Variants in TNRC6B observed in about 807,000 individuals in gnomAD.
The protein encoded by TNRC6B is trinucleotide repeat-containing gene 6B protein.
TNRC6B carries 52 observed loss-of-function variants against 203.6 expected under a neutral mutation model. The ratio of observed to expected loss-of-function variants is 0.26; its 90% CI spans 0.20 to 0.32. The LOEUF (loss-of-function observed/expected upper bound fraction) is 0.32, where lower values mean the gene tolerates loss of function less well. Ranked by LOEUF, TNRC6B falls within the 10% of genes least tolerant of loss-of-function variation. TNRC6B has a pLI of 1.00. For synonymous variants in TNRC6B, 838 were observed against 845.7 expected, an observed-to-expected ratio of 0.99 and a Z score of 0.16; for missense variants, 1,923 against 2,286.2, an observed-to-expected ratio of 0.84 and a Z score of 3.24.
At chr22:40,320,935 A>G (rs903557055) in intron 21 of TNRC6B, among the ~76,000 whole-genome samples, 155 bp from the exon 22 acceptor site, 4 of 152,224 alleles carry the variant, frequency 2.6e-5, no homozygotes, top group Non-Finnish European at 5.9e-5. Flanking sequence ...AAAACAGACC[A>G]TAGGCTGAAT....
chr22:40,126,765 A>AT (rs2068497732), intron 3 of TNRC6B, among the ~76,000 whole-genome samples: 1 of 149,904 alleles, frequency 6.7e-6, no homozygotes, highest in African/African-American at 2.4e-5. Context: ...TAATTTTTGT[A>AT]TTTTTTGTAG....
At chr22:40,114,520 C>T (rs1601822511) in intron 1 of TNRC6B, among the ~76,000 whole-genome samples, 1 of 152,178 alleles carries the variant, frequency 6.6e-6, no homozygotes, top group Non-Finnish European at 1.5e-5. Context: ...ATAGGGTCTT[C>T]CTGTGTTGCT....
chr22:40,150,084 T>G (rs1225238466), intron 3 of TNRC6B, among the ~76,000 whole-genome samples: 1 of 152,210 alleles, frequency 6.6e-6, no homozygotes, highest in Non-Finnish European at 1.5e-5. Flanking sequence ...TAAGGCAGGT[T>G]ATTAATGTCT....
chr22:40,313,905 C>CT (rs2071221895), intron 19 of TNRC6B, among the ~76,000 whole-genome samples: 1 of 152,192 alleles, frequency 6.6e-6, no homozygotes, highest in Admixed American at 6.5e-5. Flanking sequence ...GATAAAGAAA[C>CT]TAAGTGAGGT....
At position 40,265,961 on chromosome 22, in the gene TNRC6B, C is replaced by T. The variant is rs755793964; in HGVS notation, c.1731C>T (p.Asn577=). 3.1e-6 allele frequency: 5 copies of T among 1,613,906 alleles called. No individual in the cohort carries two copies. Among genetic ancestry groups the T allele is most frequent in the African/African-American group, 1.3e-5 (1 of 74,936 alleles). The change falls in exon 5 of 23, where the codon AAC becomes AAT. Residue 577 remains asparagine, a synonymous_variant. Transcript: ENST00000454349. The stretch of plus-strand genomic sequence containing the variant: ...TTGGAGGTCAAAGCACTGGAAGCAA[C>T]CACAAAGCAGGAAGTAGTGACAGTC... The part of the protein sequence containing the change: ...SEVGGQSTGS[N]HKAGSSDSHN...
At chr22:40,097,604 G>T (rs1216702474) in intron 1 of TNRC6B, among the ~76,000 whole-genome samples, 3 of 149,960 alleles carry the variant, frequency 2.0e-5, no homozygotes, top group Non-Finnish European at 3.0e-5. Flanking sequence ...CTCTGCCAAA[G>T]GTACCTATTT....
Position 40,301,215 on chromosome 22 carries a change from G to A in TNRC6B, c.4002G>A (p.Lys1334=), listed in dbSNP as rs2071018760. The change falls in exon 15 of 23, where the codon AAG becomes AAA. Residue 1334 remains lysine (K), a synonymous_variant. Coordinates refer to ENST00000454349, the MANE Select transcript of TNRC6B (RefSeq NM_001162501.2). ...AGCAGCAGAGGCAGCCAGGCATGAA[G>A]CACTCGCCCTCTCATCCTGTTGGGC... ...QQQQQRQPGM[K]HSPSHPVGPK... 2 of 1,555,802 alleles carry A rather than the reference G, an allele frequency of 1.3e-6. No individual in the cohort carries two copies. Among genetic ancestry groups the A allele is most frequent in the Non-Finnish European group, 1.7e-6 (2 of 1,149,220 alleles).
intron 3 of TNRC6B, among the ~76,000 whole-genome samples, chr22:40,138,671 G>A (rs1353136395): frequency 6.6e-6 from 1 of 152,122 alleles, no homozygotes. Context: ...AGTAGAGAGA[G>A]AGGACATCAA....
chr22:40,112,157 T>A (rs1039984482), intron 1 of TNRC6B, among the ~76,000 whole-genome samples: 3 of 151,836 alleles, frequency 2.0e-5, no homozygotes, highest in Non-Finnish European at 4.4e-5. Context: ...AGGTGTGGAC[T>A]CCGGAGGAGG....
chr22:40,163,877 C>T (rs984187019), intron 4 of TNRC6B, among the ~76,000 whole-genome samples: 1 of 151,774 alleles, frequency 6.6e-6, no homozygotes, highest in Non-Finnish European at 1.5e-5. Flanking sequence ...AGGGGAGGCT[C>T]AAGGCAGAAA....
chr22:40,295,742 G>A (rs2070930424), intron 12 of TNRC6B, among the ~76,000 whole-genome samples: 2 of 152,006 alleles, frequency 1.3e-5, no homozygotes. Flanking sequence ...AAAAAAATGA[G>A]GTAGATTAAA....
intron 4 of TNRC6B, among the ~76,000 whole-genome samples, chr22:40,264,142 T>C (rs2070433156): frequency 1.3e-5 from 2 of 152,182 alleles, no homozygotes. Context: ...AAGGCACAAG[T>C]TGTGGAATGT....
chr22:40,279,030 T>C (rs1476872499), intron 9 of TNRC6B, among the ~76,000 whole-genome samples: 2 of 152,248 alleles, frequency 1.3e-5, no homozygotes, highest in Non-Finnish European at 2.9e-5. Flanking sequence ...TGTGAACCAC[T>C]GTGCCCAGCC....
intron 1 of TNRC6B, among the ~76,000 whole-genome samples, chr22:40,070,334 CTT>C (rs2067936401): frequency 6.6e-6 from 1 of 152,228 alleles, no homozygotes; most frequent in East Asian, 1.9e-4. Context: ...CTTTTAATGA[CTT>C]AAATTGGGAT....
At chr22:40,068,124 C>T (rs879443162) in intron 1 of TNRC6B, among the ~76,000 whole-genome samples, 32 of 152,046 alleles carry the variant, frequency 2.1e-4, no homozygotes, top group African/African-American at 7.5e-4. Flanking sequence ...CTCATCCCAC[C>T]CCCAATTCAG....
chr22:40,236,257 ACCACT>A (rs1281733251), intron 1 of TNRC6B, among the ~76,000 whole-genome samples: 2 of 152,008 alleles, frequency 1.3e-5, no homozygotes, highest in Non-Finnish European at 2.9e-5. Context: ...ATTTTTTATA[ACCACT>A]CCTGCCTCAC....
Position 40,335,021 on chromosome 22 carries a change from GTGT to G in TNRC6B, c.*11782_*11784del, listed in dbSNP as rs1971154817. The G allele has an allele frequency of 6.6e-6, 1 of 152,052 alleles. No homozygotes were observed. Among genetic ancestry groups the G allele is most frequent in the African/African-American group, 2.4e-5 (1 of 41,214 alleles). 9.4% of individuals were successfully genotyped at this position (152,052 alleles called of 1,614,324 possible). A position where few individuals can be genotyped will look rare whatever the true frequency, so the allele number is the denominator to read the frequency against. On this transcript the variant is annotated 3_prime_UTR_variant, in exon 23 of 23. Coordinates refer to ENST00000454349, the MANE Select transcript of TNRC6B (RefSeq NM_001162501.2). Reference sequence around the variant, plus strand: ...GATGCTCTCTGCAAGTTACCTTTAAGTGTTTTTTTTTTCTTATACTTGAAGTTG... The same window carrying G: ...GATGCTCTCTGCAAGTTACCTTTAAGTTTTTTTTTCTTATACTTGAAGTTG...
At chr22:40,250,360 T>C (rs971761068) in intron 2 of TNRC6B, among the ~76,000 whole-genome samples, 5 of 152,204 alleles carry the variant, frequency 3.3e-5, no homozygotes, top group African/African-American at 1.2e-4. Context: ...CTCCTAATCA[T>C]CATTTCCAAA....
rs1221733809 is a variant in TNRC6B, at chr22:40,301,142, G to A, written c.3937-8G>A. ...GCTTATCACGTGTCTGTCTCTCTTG[G>A]CCCTCAGCTGGCTCGAATGGTGAGT... On this transcript the variant is annotated splice_region_variant and splice_polypyrimidine_tract_variant and intron_variant, in intron 14 of 22. Transcript: ENST00000454349. The A allele has an allele frequency of 1.5e-5, 24 of 1,552,220 alleles. No homozygotes were observed. The Admixed American group carries it at 4.7e-4, about 30-fold the overall frequency.
Sources: gnomAD v4.1 joint callset for allele counts (sites outside exome capture counted in the v4.1 genomes callset) on GRCh38, gnomAD v4.1.1 for gene constraint, MANE v1.5 for transcripts, NCBI Gene and HGNC (gene_info 2026-07-23, HGNC 2026-07-21) for gene names.